Variants in ETV1 observed in about 807,000 individuals in gnomAD.
ETV1 encodes the protein ETS translocation variant 1.
In ETV1, 27 loss-of-function variants were observed where a neutral mutation model predicts 62.3. That is an observed-to-expected ratio of 0.43 (90% confidence interval 0.32 to 0.60). The LOEUF is 0.60. ETV1 is among the 20% of genes least tolerant of loss of function. The pLI is 0.06. For synonymous variants in ETV1, 222 were observed against 199.6 expected (o/e 1.11, Z -0.94); for missense variants, 605 against 605.8 (o/e 1.00, Z 0.01).
intron 6 of ETV1, among the ~76,000 whole-genome samples, chr7:13,963,622 C>A (rs1210763216): frequency 6.6e-6 from 1 of 151,122 alleles, no homozygotes; most frequent in Non-Finnish European, 1.5e-5. Context: ...TAGAATTTAA[C>A]CAAAATTCTA....
intron 6 of ETV1, among the ~76,000 whole-genome samples, chr7:13,971,890 C>A (rs1319882972): frequency 6.6e-6 from 1 of 152,122 alleles, no homozygotes; most frequent in East Asian, 1.9e-4. Flanking sequence ...GCGGGCGGAT[C>A]ACTTGAAGTC....
chr7:13,917,278 GTAACTT>G (rs1454868143), intron 9 of ETV1, among the ~76,000 whole-genome samples: 5 of 150,682 alleles, frequency 3.3e-5, no homozygotes, highest in African/African-American at 4.9e-5. Flanking sequence ...AGACACAACT[GTAACTT>G]TGAGTATTTA....
At chr7:13,918,855 C>A (rs998554960) in intron 9 of ETV1, among the ~76,000 whole-genome samples, 19 of 129,506 alleles carry the variant, frequency 1.5e-4, no homozygotes, top group Non-Finnish European at 1.9e-4. Flanking sequence ...GCACATGTAC[C>A]CTAAAACTTA....
chr7:13,971,238 TG>T (rs1780877441), intron 6 of ETV1, among the ~76,000 whole-genome samples: 1 of 152,230 alleles, frequency 6.6e-6, no homozygotes, highest in Admixed American at 6.5e-5. Flanking sequence ...CCCAAAGTGC[TG>T]GGACTACAGG....
At chr7:13,985,687 C>G (rs886329846) in intron 5 of ETV1, among the ~76,000 whole-genome samples, 2 of 152,118 alleles carry the variant, frequency 1.3e-5, no homozygotes, top group East Asian at 1.9e-4. Flanking sequence ...ACACTCAATG[C>G]TTAAATATCT....
intron 6 of ETV1, among the ~76,000 whole-genome samples, chr7:13,970,815 G>C (rs1780822278): frequency 6.6e-6 from 1 of 151,962 alleles, no homozygotes; most frequent in African/African-American, 2.4e-5. Context: ...TCCTGGACAG[G>C]TACGTGTTAA....
At chr7:13,966,061 T>A (rs1027652589) in intron 6 of ETV1, among the ~76,000 whole-genome samples, 1 of 152,188 alleles carries the variant, frequency 6.6e-6, no homozygotes, top group Non-Finnish European at 1.5e-5. Flanking sequence ...GCACATAAAA[T>A]TTGTTAATTC....
rs73276812 is a variant in ETV1, at chr7:13,935,675, A to G, written c.554+33T>C. The G allele has an allele frequency of 5.9e-3, 9,437 of 1,586,398 alleles. 179 individuals are homozygous for G. In the African/African-American group the frequency reaches 0.068, roughly 11 times the overall value. On this transcript the variant is annotated intron_variant, in intron 8 of 13. Coordinates refer to ENST00000430479, the MANE Select transcript of ETV1 (RefSeq NM_004956.5). ...GAAATTTTTTCCAAGAACGCAAAAA[A>G]CAGTTTCTAGAAAACTGGTATCTGC...
rs1050783172 is a variant in ETV1, at chr7:13,895,813, T to A, written c.*53A>T. 4 of 1,156,644 alleles carry A rather than the reference T, an allele frequency of 3.5e-6. No homozygotes were observed. The African/African-American group carries it at 4.6e-5, about 13-fold the overall frequency. The allele number at this position is 1,156,644 out of a possible 1,614,324, so 71.6% of individuals were successfully genotyped here. On this transcript the variant is annotated 3_prime_UTR_variant, in exon 14 of 14. Transcript: ENST00000430479. ...AACAAAGATTCAGCAATTCTCTGTA[T>A]CTTGCAGAAAAAAGGAAAAGCGCAA...
Position 13,911,240 on chromosome 7 carries a change from T to G in ETV1, c.870A>C (p.Glu290Asp). ...GAATTTCAGTGGTGGACAACTTAAC[T>G]TCTGTTCTGCTGGGATGAGCCAGGA... ...EGFLAHPSRTEGCMFEKGPRQ... is the reference protein window; with the variant it reads ...EGFLAHPSRTDGCMFEKGPRQ... Residue 290 changes from glutamate to aspartate, a missense_variant and splice_region_variant, in exon 10 of 14, where the codon GAA (glutamate) becomes GAC (aspartate). Coordinates refer to ENST00000430479, the MANE Select transcript of ETV1 (RefSeq NM_004956.5). 2 of 1,611,328 alleles carry G rather than the reference T, an allele frequency of 1.2e-6. No individual in the cohort carries two copies. The highest frequency in any genetic ancestry group is 1.7e-6 in the Non-Finnish European group (2 of 1,177,624).
chr7:13,968,237 G>A (rs1780508833), intron 6 of ETV1, among the ~76,000 whole-genome samples: 1 of 151,628 alleles, frequency 6.6e-6, no homozygotes, highest in East Asian at 1.9e-4. Context: ...ACAATATATT[G>A]TTATATTAAG....
chr7:13,933,347 C>A (rs1562640146), intron 8 of ETV1, among the ~76,000 whole-genome samples: 2 of 152,078 alleles, frequency 1.3e-5, no homozygotes, highest in African/African-American at 4.8e-5. Flanking sequence ...AGCCACTGAC[C>A]AATGGTAAAG....
chr7:13,921,302 G>A (rs1422728396), intron 9 of ETV1, among the ~76,000 whole-genome samples: 28 of 152,058 alleles, frequency 1.8e-4, no homozygotes, highest in Admixed American at 1.8e-3. Context: ...TTGCTGCCCT[G>A]GAAATTACTA....
chr7:13,907,470 T>TA (rs1230148470), intron 11 of ETV1, among the ~76,000 whole-genome samples: 1 of 152,118 alleles, frequency 6.6e-6, no homozygotes, highest in Admixed American at 6.6e-5. Context: ...AAAAATCTGT[T>TA]AAATAGAGCA....
rs892787288 is a variant in ETV1 at position 13,893,258 on chromosome 7, A to T, written c.*2608T>A. The T allele has an allele frequency of 1.7e-5, 4 of 232,310 alleles. No individual in the cohort carries two copies. Among genetic ancestry groups the T allele is most frequent in the Non-Finnish European group, 3.4e-5 (4 of 117,568 alleles). 14.4% of individuals were successfully genotyped at this position (232,310 alleles called of 1,614,324 possible). ...GTAGCCAATTCAATGAGAAATTCAA[A>T]ACACAAGAATCTTGCAGAAATCAGC... is the stretch of plus-strand genomic sequence containing the variant. On this transcript the variant is annotated 3_prime_UTR_variant, in exon 14 of 14. Coordinates refer to ENST00000430479, the MANE Select transcript of ETV1 (RefSeq NM_004956.5).
Position 13,982,214 on chromosome 7 carries a change from G to T in ETV1, c.181+4424C>A, listed in dbSNP as rs181312332. On this transcript the variant is annotated intron_variant, in intron 5 of 13. Coordinates refer to ENST00000430479, the MANE Select transcript of ETV1 (RefSeq NM_004956.5). ...AAGGGAAGCTCAGAGCCAACTAGCC[G>T]TTGTTTCTAGCCAAATATTTTCTCT... 3.0e-3 allele frequency among the ~76,000 whole-genome samples: 457 copies of T among 152,106 alleles called. 1 individual carries two copies. The highest frequency in any genetic ancestry group is 4.5e-3 in the Admixed American group (68 of 15,258).
intron 2 of ETV1, 57 bp from the exon 3 acceptor site, chr7:13,989,196 G>T (rs1172643629): frequency 7.5e-6 from 5 of 670,256 alleles, no homozygotes; most frequent in Non-Finnish European, 1.3e-5. Flanking sequence ...TGAAGCTCTT[G>T]AATTTGCATA....
chr7:13,940,765 A>G (rs2128461168), intron 6 of ETV1, among the ~76,000 whole-genome samples: 1 of 152,350 alleles, frequency 6.6e-6, no homozygotes, highest in East Asian at 1.9e-4. Flanking sequence ...ATTAGCTTGA[A>G]TGTTATATAT....
chr7:13,977,728 C>T lies in ETV1; in HGVS notation c.182-248G>A, dbSNP rs78970071. On this transcript the variant is annotated intron_variant, in intron 5 of 13. Coordinates refer to ENST00000430479, the MANE Select transcript of ETV1 (RefSeq NM_004956.5). ...AGGATGATGGCAGGTGTATTCCCTC[C>T]GAATTTCACCTGCCAGATGGAAATA... Among the ~76,000 whole-genome samples the T allele has an allele frequency of 3.1e-3, 474 of 151,880 alleles. 17 individuals are homozygous for T. The East Asian group carries it at 0.079, about 25-fold the overall frequency.
Sources: gnomAD v4.1 joint callset for allele counts (sites outside exome capture counted in the v4.1 genomes callset) on GRCh38, gnomAD v4.1.1 for gene constraint, MANE v1.5 for transcripts, NCBI Gene and HGNC (gene_info 2026-07-23, HGNC 2026-07-21) for gene names.